The following ADGRE5 variants were observed in gnomAD, a reference collection of about 807,000 sequenced individuals.
ADGRE5 encodes adhesion G protein-coupled receptor E5.
A neutral mutation model predicts 100.3 loss-of-function variants in ADGRE5; 72 were observed. That is an observed-to-expected ratio of 0.72 (90% CI 0.59 to 0.87). The LOEUF is 0.87. Ranked by LOEUF, ADGRE5 falls within the 40% of genes least tolerant of loss-of-function variation. ADGRE5 has a pLI of 0.00. For missense variants in ADGRE5, 959 were observed against 1,094.7 expected, an observed-to-expected ratio of 0.88 and a Z score of 1.75; for synonymous variants, 439 against 447.8, an observed-to-expected ratio of 0.98 and a Z score of 0.25.
intron 3 of ADGRE5, among the ~76,000 whole-genome samples, chr19:14,390,354 C>T (rs1453662067): frequency 6.8e-6 from 1 of 146,860 alleles, no homozygotes; most frequent in African/African-American, 2.5e-5. Context: ...GACAGAGTCT[C>T]ACTCTGTCAC....
In ADGRE5 at chr19:14,396,491, A is replaced by G; in HGVS notation, c.478+18A>G. Reference sequence around the variant, plus strand: ...CTGCACAGGTAGAGGCCCCAGGAAGACGCCGTGAGGCTGGACGGGAGCTGG... The same window carrying G: ...CTGCACAGGTAGAGGCCCCAGGAAGGCGCCGTGAGGCTGGACGGGAGCTGG... On this transcript the variant is annotated intron_variant, in intron 5 of 19. Coordinates refer to ENST00000242786, the MANE Select transcript of ADGRE5 (RefSeq NM_078481.4). The G allele has an allele frequency of 6.2e-7, 1 of 1,614,028 alleles. No homozygotes were observed. The highest frequency in any genetic ancestry group is 1.3e-5 in the African/African-American group (1 of 75,064).
In ADGRE5 at chr19:14,406,972, G is replaced by A. The variant is rs768435219; in HGVS notation, c.2207+12G>A. 6.2e-7 allele frequency: 1 copy of A among 1,614,048 alleles called. No homozygotes were observed. The highest frequency in any genetic ancestry group is 8.5e-7 in the Non-Finnish European group (1 of 1,179,874). On this transcript the variant is annotated intron_variant, in intron 17 of 19. Transcript: ENST00000242786. The surrounding 1 kb of genome is among the most constrained non-coding windows in gnomAD (Gnocchi z 6.0). ...TTAAAGAAGGCGAGGTGAGAGGAGA[G>A]GCTGGAAGGACTTGGAGGCGGGGCC...
intron 1 of ADGRE5, among the ~76,000 whole-genome samples, chr19:14,387,018 A>G (rs1975382066): frequency 6.6e-6 from 1 of 152,104 alleles, no homozygotes. Flanking sequence ...CTGTCTCAGA[A>G]AAAAAATAAA....
Position 14,391,048 on chromosome 19 carries a change from A to T in ADGRE5, c.315A>T (p.Thr105=). 1 of 1,614,222 alleles carries T rather than the reference A, an allele frequency of 6.2e-7. No individual in the cohort carries two copies. Among genetic ancestry groups the T allele is most frequent in the Non-Finnish European group, 8.5e-7 (1 of 1,180,046 alleles). ...PGYEPVSGAK[T]FKNESENTCQ... ...ATGAGCCTGTTTCTGGGGCAAAAACATTCAAGAATGAGAGCGAGAACACCT... is the reference window on the plus strand; with the variant it reads ...ATGAGCCTGTTTCTGGGGCAAAAACTTTCAAGAATGAGAGCGAGAACACCT... The change falls in exon 4 of 20, where the codon ACA becomes ACT. Residue 105 remains threonine, a synonymous_variant. Transcript: ENST00000242786.
chr19:14,394,076 G>A (rs1975692893), intron 4 of ADGRE5, among the ~76,000 whole-genome samples: 1 of 152,266 alleles, frequency 6.6e-6, no homozygotes, highest in African/African-American at 2.4e-5. Context: ...CCCTGCATGG[G>A]ATGGTGGTTG....
chr19:14,396,187 A>G, intron 4 of ADGRE5, 155 bp from the exon 5 acceptor site: 1 of 1,400,090 alleles, frequency 7.1e-7, no homozygotes, highest in East Asian at 2.4e-5. Flanking sequence ...GGACTGAGCC[A>G]CCACCCTCAC....
In ADGRE5 at chr19:14,388,499, G is replaced by A. The variant is rs562825655; in HGVS notation, c.72G>A (p.Arg24=). The A allele has an allele frequency of 6.3e-7, 1 of 1,592,220 alleles. No individual in the cohort carries two copies. Among genetic ancestry groups the A allele is most frequent in the African/African-American group, 1.3e-5 (1 of 74,356 alleles). Residue 24 remains arginine (R), a splice_region_variant and synonymous_variant, in exon 2 of 20, where the codon AGG becomes AGA. Coordinates refer to ENST00000242786, the MANE Select transcript of ADGRE5 (RefSeq NM_078481.4). ...CGGGAGCTGAAACCCAGGACTCCAG[G>A]GGTGAGTCTGCTGGGAAGCAGAAAG... is the stretch of plus-strand genomic sequence containing the variant. ...TLPGAETQDS[R]GCARWCPQNS...
At chr19:14,385,766 G>T (rs1323695364) in intron 1 of ADGRE5, among the ~76,000 whole-genome samples, 2 of 150,928 alleles carry the variant, frequency 1.3e-5, no homozygotes, top group African/African-American at 4.9e-5. Flanking sequence ...ATCCAACACC[G>T]TCATTTTTTT....
At chr19:14,404,122 G>A (rs796184848) in intron 12 of ADGRE5, among the ~76,000 whole-genome samples, 32 of 151,848 alleles carry the variant, frequency 2.1e-4, no homozygotes, top group African/African-American at 7.0e-4. Context: ...CAGGTGATCC[G>A]CCTGCCTCAG....
chr19:14,399,062 G>T (rs1033711310), intron 9 of ADGRE5, among the ~76,000 whole-genome samples: 2 of 151,174 alleles, frequency 1.3e-5, no homozygotes, highest in African/African-American at 4.9e-5. Context: ...GCCCAGGCTG[G>T]TCTTGAACTC....
rs548522050 is a variant in ADGRE5 at position 14,398,108 on chromosome 19, C to T, written c.866C>T (p.Ser289Phe). 1 of 1,613,992 alleles carries T rather than the reference C, an allele frequency of 6.2e-7. No individual in the cohort carries two copies. Among genetic ancestry groups the T allele is most frequent in the African/African-American group, 1.3e-5 (1 of 74,916 alleles). ...AAAGTCCAGGACCTGGGCAGAGACT[C>T]CAAGACAAGCTCAGCCGAGGTCACC... ...FDKVQDLGRDSKTSSAEVTIQ... is the reference protein window; with the variant it reads ...FDKVQDLGRDFKTSSAEVTIQ... Residue 289 changes from serine to phenylalanine, a missense_variant, in exon 9 of 20, where the codon TCC (serine) becomes TTC (phenylalanine). This residue lies in a region of ADGRE5 where 69 missense variants were observed against 135.0 expected (regional missense o/e 0.51). Coordinates refer to ENST00000242786, the MANE Select transcript of ADGRE5 (RefSeq NM_078481.4).
In ADGRE5 at chr19:14,391,048, A is replaced by G. The variant is rs745376839; in HGVS notation, c.315A>G (p.Thr105=). ...PGYEPVSGAK[T]FKNESENTCQ... is the part of the protein sequence containing the mutation. ...ATGAGCCTGTTTCTGGGGCAAAAAC[A>G]TTCAAGAATGAGAGCGAGAACACCT... Residue 105 remains threonine, a synonymous_variant, in exon 4 of 20, where the codon ACA becomes ACG. Coordinates refer to ENST00000242786, the MANE Select transcript of ADGRE5 (RefSeq NM_078481.4). 26 of 1,614,104 alleles carry G rather than the reference A, an allele frequency of 1.6e-5. No individual in the cohort carries two copies. The highest frequency in any genetic ancestry group is 2.1e-5 in the Non-Finnish European group (25 of 1,180,054).
rs892443285 is a variant in ADGRE5, at chr19:14,398,234, C to G, written c.897+95C>G. On this transcript the variant is annotated intron_variant, in intron 9 of 19. Coordinates refer to ENST00000242786, the MANE Select transcript of ADGRE5 (RefSeq NM_078481.4). ...AGAGAGTGCCCAACCCAAGCAGGGG[C>G]CTCTAGTCAGAGACACACATGCGCA... 10 of 1,120,972 alleles carry G rather than the reference C, an allele frequency of 8.9e-6. No homozygotes were observed. The African/African-American group carries it at 1.4e-4, about 16-fold the overall frequency. The allele number at this position is 1,120,972 out of a possible 1,614,324, so 69.4% of individuals were successfully genotyped here.
chr19:14,398,257 G>A (rs1044358012), intron 9 of ADGRE5, 118 bp downstream of exon 9: 19 of 843,650 alleles, frequency 2.3e-5, no homozygotes, highest in African/African-American at 1.2e-4. Context: ...ACACACATGC[G>A]CATAACATAC....
At position 14,406,315 on chromosome 19, in the gene ADGRE5, C is replaced by T. The variant is rs369879233; in HGVS notation, c.1822-16C>T. 2.3e-5 allele frequency: 36 copies of T among 1,538,496 alleles called. No individual in the cohort carries two copies. In the African/African-American group the frequency reaches 4.1e-4, roughly 18 times the overall value. On this transcript the variant is annotated splice_polypyrimidine_tract_variant and intron_variant, in intron 14 of 19. Transcript: ENST00000242786. This position sits in a 1 kb window ranked among gnomAD's most constrained non-coding sequence, Gnocchi z 6.0. The stretch of plus-strand genomic sequence containing the variant: ...CCGCGCTGACGTCGCTCCGCCCCTC[C>T]GTCCCCGCCCCGCAGGTGGGGCTGC...
chr19:14,383,569 G>T (rs1240329637), intron 1 of ADGRE5, among the ~76,000 whole-genome samples: 1 of 152,080 alleles, frequency 6.6e-6, no homozygotes, highest in Non-Finnish European at 1.5e-5. Flanking sequence ...GTGGGTCTGG[G>T]GAATTGTCTC....
At chr19:14,398,674 CAAAAAAAAAAA>C (rs71164256) in intron 9 of ADGRE5, among the ~76,000 whole-genome samples, 5 of 53,096 alleles carry the variant, frequency 9.4e-5, no homozygotes, top group Non-Finnish European at 1.7e-4. Context: ...GACTCTGTCT[CAAAAAAAAAAA>C]AAAAAAAAAA....
At chr19:14,384,336 C>G (rs1975257001) in intron 1 of ADGRE5, among the ~76,000 whole-genome samples, 1 of 152,102 alleles carries the variant, frequency 6.6e-6, no homozygotes, top group South Asian at 2.1e-4. Flanking sequence ...AATCTGCACC[C>G]CAAACACCCG....
chr19:14,400,139 C>T (rs888572038), intron 9 of ADGRE5, among the ~76,000 whole-genome samples: 2 of 152,158 alleles, frequency 1.3e-5, no homozygotes, highest in African/African-American at 4.8e-5. Context: ...CCTGCCTCAG[C>T]CTCCCAAGTA....
Sources: allele counts gnomAD v4.1 joint callset (sites outside exome capture counted in the v4.1 genomes callset), GRCh38; gene constraint gnomAD v4.1.1; regional missense constraint gnomAD v4.1.1; non-coding constraint Gnocchi (gnomAD v3.1); transcripts MANE v1.5; gene names NCBI Gene and HGNC (gene_info 2026-07-23, HGNC 2026-07-21).